COA8: variants seen among roughly 807,000 people sequenced by gnomAD.
COA8 encodes UPF0671 protein C14orf153.
A neutral mutation model predicts 22.0 loss-of-function variants in COA8; 20 were observed. The observed-to-expected ratio is 0.91, with a 90% CI of 0.64 to 1.32. The LOEUF (loss-of-function observed/expected upper bound fraction) is 1.32, where lower values mean the gene tolerates loss of function less well. Among genes scored for constraint, COA8 ranks in the 40% most tolerant of loss-of-function variants. COA8 has a pLI of 0.00. For synonymous variants in COA8, 105 were observed against 79.9 expected (o/e 1.31, Z -1.68); for missense variants, 266 against 230.0 (o/e 1.16, Z -1.01).
intron 3 of COA8, among the ~76,000 whole-genome samples, chr14:103,578,409 A>G (rs1412590646): frequency 2.0e-5 from 3 of 152,250 alleles, no homozygotes; most frequent in Non-Finnish European, 4.4e-5. Context: ...GCAGCAGAAT[A>G]CTGTGATTTC....
chr14:103,580,903 TCTC>T (rs1304880545), intron 3 of COA8, among the ~76,000 whole-genome samples: 4 of 149,056 alleles, frequency 2.7e-5, no homozygotes, highest in African/African-American at 9.9e-5. Flanking sequence ...TTCAAGGAAT[TCTC>T]CTGCCTCAGC....
intron 1 of COA8, among the ~76,000 whole-genome samples, chr14:103,571,277 G>A (rs2076182189): frequency 6.6e-6 from 1 of 152,086 alleles, no homozygotes; most frequent in Non-Finnish European, 1.5e-5. Context: ...GCTGAGGCAG[G>A]AGAATGGCGT....
chr14:103,585,744 T>G (rs2076301882), intron 3 of COA8, among the ~76,000 whole-genome samples: 1 of 150,344 alleles, frequency 6.7e-6, no homozygotes, highest in Non-Finnish European at 1.5e-5. Flanking sequence ...CCCGGCTAAT[T>G]TTTGTACTTT....
chr14:103,581,632 G>A lies in COA8; in HGVS notation c.386-5642G>A. 5.0e-6 allele frequency: 2 copies of A among 398,714 alleles called. No individual in the cohort carries two copies. The highest frequency in any genetic ancestry group is 7.1e-5 in the East Asian group (2 of 28,076). The allele number at this position is 398,714 out of a possible 1,614,324, so 24.7% of individuals were successfully genotyped here. ...AAAACCATGGATGGAGGGGACAGCT[G>A]TGCTGCCGCCATCTCCCTTACACAG... On this transcript the variant is annotated intron_variant, in intron 3 of 4. Transcript: ENST00000409074. The surrounding 1 kb of genome is among the most constrained non-coding windows in gnomAD (Gnocchi z 4.1).
Position 103,581,327 on chromosome 14 carries a change from T to G in COA8, c.386-5947T>G, listed in dbSNP as rs1185917974. 6.6e-6 allele frequency among the ~76,000 whole-genome samples: 1 copy of G among 151,812 alleles called. No individual in the cohort carries two copies. Among genetic ancestry groups the G allele is most frequent in the Non-Finnish European group, 1.5e-5 (1 of 67,988 alleles). On this transcript the variant is annotated intron_variant, in intron 3 of 4. Transcript: ENST00000409074. The surrounding 1 kb of genome is among the most constrained non-coding windows in gnomAD (Gnocchi z 4.1). ...TATTTTGCAACCATTACCAAGTAAA[T>G]AAGGGTTACTCAGACACAAGCACTG...
At chr14:103,563,246 G>T (rs1407170017) in intron 1 of COA8, 122 bp downstream of exon 1, 3 of 1,336,780 alleles carry the variant, frequency 2.2e-6, no homozygotes, top group Non-Finnish European at 1.0e-6. Flanking sequence ...GTGCTCTCGC[G>T]TCCTATCCCG....
chr14:103,563,440 C>G (rs970805287), intron 1 of COA8: 4 of 492,188 alleles, frequency 8.1e-6, no homozygotes, highest in African/African-American at 5.9e-5. Flanking sequence ...TTAAAGAGCT[C>G]TTGGCTTACC....
intron 4 of COA8, chr14:103,588,293 TC>T (rs1209682198): frequency 3.8e-5 from 15 of 396,938 alleles, no homozygotes; most frequent in African/African-American, 3.1e-4. Context: ...GGTGGGTAGA[TC>T]ACTTGAGTCC....
intron 1 of COA8, among the ~76,000 whole-genome samples, chr14:103,569,132 A>G (rs576786453): frequency 6.6e-6 from 1 of 152,286 alleles, no homozygotes; most frequent in East Asian, 1.9e-4. Context: ...TGTCCCCAGC[A>G]TAGCCAATGG....
At chr14:103,583,823 A>G (rs1381274733) in intron 3 of COA8, among the ~76,000 whole-genome samples, 1 of 152,172 alleles carries the variant, frequency 6.6e-6, no homozygotes, top group Non-Finnish European at 1.5e-5. Flanking sequence ...CCTCTGCCTG[A>G]CAGGCTATAA....
At chr14:103,573,314 C>T (rs987046700) in intron 2 of COA8, among the ~76,000 whole-genome samples, 4 of 150,194 alleles carry the variant, frequency 2.7e-5, no homozygotes, top group Non-Finnish European at 5.9e-5. Context: ...GGATTACAGG[C>T]GCCCGCCACC....
rs2076098967 is a variant in COA8 at position 103,563,066 on chromosome 14, G to A, written c.65G>A (p.Arg22His). The A allele has an allele frequency of 1.3e-6, 2 of 1,541,416 alleles. No homozygotes were observed. Among genetic ancestry groups the A allele is most frequent in the African/African-American group, 1.4e-5 (1 of 73,402 alleles). Reference protein sequence around the residue: ...LPPLCRAFACRGCQLAPERGA... With the variant: ...LPPLCRAFACHGCQLAPERGA... ...CCTCTCTGCCGCGCCTTCGCCTGCC[G>A]CGGCTGTCAACTCGCTCCGGAGCGC... is the stretch of plus-strand genomic sequence containing the variant. Residue 22 changes from arginine (R) to histidine (H), a missense_variant, in exon 1 of 5, where the codon CGC (arginine) becomes CAC (histidine). By Grantham distance (29) the Arg-to-His change is conservative. Transcript: ENST00000409074.
chr14:103,563,034 TC>T lies in COA8; in HGVS notation c.34del (p.Leu12SerfsTer45). The T allele has an allele frequency of 6.5e-7, 1 of 1,546,890 alleles. No homozygotes were observed. Among genetic ancestry groups the T allele is most frequent in the Non-Finnish European group, 8.7e-7 (1 of 1,152,162 alleles). ...VVLRAGKKTF[L>X]PPLCRAFACR... is the part of the protein sequence containing the mutation. ...TCTTGCGGGCGGGGAAGAAGACCTT[TC>T]TCCCCCCTCTCTGCCGCGCCTTCGC... On this transcript the variant is annotated frameshift_variant, in exon 1 of 5. Coordinates refer to ENST00000409074, the MANE Select transcript of COA8 (RefSeq NM_001370595.2). LOFTEE classifies it high-confidence loss of function.
intron 1 of COA8, among the ~76,000 whole-genome samples, chr14:103,569,407 T>C: frequency 6.6e-6 from 1 of 152,244 alleles, no homozygotes; most frequent in East Asian, 1.9e-4. Flanking sequence ...GCAGTTTATG[T>C]GAGTGATAAC....
At chr14:103,582,421 G>C (rs540603803) in intron 3 of COA8, among the ~76,000 whole-genome samples, 1 of 152,226 alleles carries the variant, frequency 6.6e-6, no homozygotes, top group Non-Finnish European at 1.5e-5. Flanking sequence ...CGCCCTGGGA[G>C]TGCCACAGAG....
chr14:103,574,339 C>T, intron 3 of COA8, 169 bp downstream of exon 3: 1 of 877,360 alleles, frequency 1.1e-6, no homozygotes, highest in Non-Finnish European at 1.9e-6. Context: ...ACACCCAGTT[C>T]CCAGGCATGG....
intron 3 of COA8, among the ~76,000 whole-genome samples, chr14:103,576,979 G>A (rs961582239): frequency 2.6e-5 from 4 of 152,218 alleles, no homozygotes; most frequent in African/African-American, 9.6e-5. Flanking sequence ...TTCAGGAAAA[G>A]CTGCCACAAA....
intron 1 of COA8, among the ~76,000 whole-genome samples, chr14:103,567,115 G>A (rs1255144814): frequency 6.6e-6 from 1 of 152,144 alleles, no homozygotes; most frequent in Non-Finnish European, 1.5e-5. Context: ...GCTCGTGCCT[G>A]TAATCTCAGC....
intron 3 of COA8, among the ~76,000 whole-genome samples, chr14:103,582,061 A>T (rs1253444647): frequency 6.6e-6 from 1 of 152,128 alleles, no homozygotes; most frequent in Non-Finnish European, 1.5e-5. Context: ...TCTGCCGGGG[A>T]GGCTAGCGAG....
Sources: allele counts gnomAD v4.1 joint callset (sites outside exome capture counted in the v4.1 genomes callset), GRCh38; gene constraint gnomAD v4.1.1; non-coding constraint Gnocchi (gnomAD v3.1); transcripts MANE v1.5; gene names NCBI Gene and HGNC (gene_info 2026-07-23, HGNC 2026-07-21).